AQR: variants seen among roughly 807,000 people sequenced by gnomAD.
AQR encodes the protein aquarius intron-binding spliceosomal factor.
Under a neutral mutation model 180.5 loss-of-function variants are expected in AQR, and 61 were observed. The ratio of observed to expected loss-of-function variants is 0.34; its 90% confidence interval spans 0.28 to 0.42. The LOEUF is 0.42. AQR is among the 10% of genes least tolerant of loss of function. AQR has a pLI of 1.00. For missense variants in AQR, 1,281 were observed against 1,798.3 expected (o/e 0.71, Z 5.20); for synonymous variants, 551 against 588.8 (o/e 0.94, Z 0.93).
intron 13 of AQR, among the ~76,000 whole-genome samples, chr15:34,926,800 T>C (rs1335049837): frequency 1.3e-5 from 2 of 152,072 alleles, no homozygotes; most frequent in Non-Finnish European, 2.9e-5. Context: ...CTGAGAAAAA[T>C]TTCAGATCGA....
chr15:34,880,154 G>A (rs1304422271), intron 27 of AQR, among the ~76,000 whole-genome samples: 1 of 152,090 alleles, frequency 6.6e-6, no homozygotes, highest in Non-Finnish European at 1.5e-5. Flanking sequence ...TCAAAATTCT[G>A]AAGAAAAATT....
intron 5 of AQR, among the ~76,000 whole-genome samples, chr15:34,946,430 TGGGGGG>T (rs375288148): frequency 1.0e-5 from 1 of 98,262 alleles, no homozygotes; most frequent in Non-Finnish European, 2.1e-5. Flanking sequence ...GGGAGGGAGG[TGGGGGG>T]GGTCAGCCCC....
At position 34,927,092 on chromosome 15, in the gene AQR, G is replaced by T; in HGVS notation, c.1061C>A (p.Ser354Ter). The T allele has an allele frequency of 1.3e-6, 2 of 1,595,008 alleles. No individual in the cohort carries two copies. Among genetic ancestry groups the T allele is most frequent in the South Asian group, 1.1e-5 (1 of 87,066 alleles). ...CCGAGTATCTACTTCTGCCACATTT[G>T]AGAGGGCAAAATCATAGAGTTCAGG... The part of the protein sequence containing the change: ...HFPELYDFAL[S>*]NVAEVDTRES... The change falls in exon 13 of 35, where the codon TCA becomes TAA. Residue 354 changes from serine (S) to a stop codon, truncating the protein, a stop_gained. Coordinates refer to ENST00000156471, the MANE Select transcript of AQR (RefSeq NM_014691.3). LOFTEE classifies it high-confidence loss of function.
chr15:34,951,099 T>C (rs920755952), intron 4 of AQR, among the ~76,000 whole-genome samples: 1 of 152,210 alleles, frequency 6.6e-6, no homozygotes, highest in African/African-American at 2.4e-5. Flanking sequence ...CTGATCCTAT[T>C]TCAGCAATTG....
chr15:34,910,352 T>G, intron 16 of AQR, 39 bp from the exon 17 acceptor site: 2 of 1,602,116 alleles, frequency 1.2e-6, no homozygotes, highest in Non-Finnish European at 1.7e-6. Flanking sequence ...AAACAAAAAA[T>G]AATTTATCCC....
chr15:34,936,693 G>A lies in AQR; in HGVS notation c.718+2044C>T, dbSNP rs541396124. 1.3e-3 allele frequency among the ~76,000 whole-genome samples: 199 copies of A among 151,458 alleles called. 1 individual carries two copies. Among genetic ancestry groups the A allele is most frequent in the Non-Finnish European group, 2.1e-3 (142 of 67,952 alleles). On this transcript the variant is annotated intron_variant, in intron 9 of 34. Transcript: ENST00000156471. ...ATTGTGCCACTGCACTCCAGCCTGG[G>A]AGACAGAATGAGACTCCATCTTTAA...
intron 9 of AQR, among the ~76,000 whole-genome samples, chr15:34,935,524 A>C (rs1893931832): frequency 6.6e-6 from 1 of 152,238 alleles, no homozygotes; most frequent in South Asian, 2.1e-4. Context: ...TGTAGTGTAC[A>C]GGAAAACGGA....
chr15:34,944,980 G>A (rs1035834072), intron 5 of AQR, among the ~76,000 whole-genome samples: 5 of 152,276 alleles, frequency 3.3e-5, no homozygotes, highest in African/African-American at 1.2e-4. Context: ...ACTTCTCTAA[G>A]ACAAGCTCTC....
intron 32 of AQR, among the ~76,000 whole-genome samples, chr15:34,865,775 A>G (rs1013857534): frequency 2.6e-5 from 4 of 152,232 alleles, no homozygotes; most frequent in Non-Finnish European, 5.9e-5. Context: ...AACCTTGAAC[A>G]TATGTTAAGT....
At chr15:34,900,977 A>G (rs1237791896) in intron 19 of AQR, 114 bp from the exon 20 acceptor site, 27 of 1,398,456 alleles carry the variant, frequency 1.9e-5, no homozygotes, top group Non-Finnish European at 9.6e-7. Flanking sequence ...TTTCAGAGCA[A>G]GAAGCTATTT....
intron 12 of AQR, among the ~76,000 whole-genome samples, chr15:34,929,453 C>T (rs1332585992): frequency 6.6e-6 from 1 of 152,152 alleles, no homozygotes; most frequent in African/African-American, 2.4e-5. Context: ...GAGATCCTTT[C>T]CCCATTGCTT....
In AQR at chr15:34,873,838, T is replaced by C; in HGVS notation, c.3587A>G (p.Tyr1196Cys). ...CCTATTTTTTCTTACCTGATAGAAG[T>C]AAGGATTAGGTTCAGATTCTCCCAC... ...QGVGESEPNP[Y>C]FYQNLGEAEY... is the part of the protein sequence containing the mutation. Residue 1196 changes from tyrosine to cysteine, a missense_variant, in exon 30 of 35, where the codon TAC (tyrosine) becomes TGC (cysteine). Tyr to Cys is a radical substitution (Grantham distance 194, BLOSUM62 -2). Coordinates refer to ENST00000156471, the MANE Select transcript of AQR (RefSeq NM_014691.3). 6.3e-7 allele frequency: 1 copy of C among 1,579,166 alleles called. No individual in the cohort carries two copies. The highest frequency in any genetic ancestry group is 8.6e-7 in the Non-Finnish European group (1 of 1,162,954).
intron 32 of AQR, 66 bp downstream of exon 32, chr15:34,867,458 C>G: frequency 7.2e-7 from 1 of 1,380,472 alleles, no homozygotes; most frequent in Admixed American, 1.8e-5. Context: ...CACTTAGCCA[C>G]AGAATTTCAA....
chr15:34,861,891 C>T (rs572657827), intron 33 of AQR, among the ~76,000 whole-genome samples: 8 of 151,878 alleles, frequency 5.3e-5, no homozygotes, highest in South Asian at 2.1e-4. Context: ...GGAGGGAAGA[C>T]GTATACTGTG....
chr15:34,859,726 G>C (rs2140456625), intron 34 of AQR, among the ~76,000 whole-genome samples: 1 of 152,214 alleles, frequency 6.6e-6, no homozygotes, highest in South Asian at 2.1e-4. Flanking sequence ...GGGCAAGGAG[G>C]GATTACAAAT....
Position 34,893,787 on chromosome 15 carries a change from G to A in AQR, c.2461-14C>T. 1 of 1,605,124 alleles carries A rather than the reference G, an allele frequency of 6.2e-7. No homozygotes were observed. Among genetic ancestry groups the A allele is most frequent in the South Asian group, 1.1e-5 (1 of 90,874 alleles). ...TGGGCCCACAACCTAAAAAGAAGATGAACACATAGCAAACTACTAAGTCAT... is the reference window on the plus strand; with the variant it reads ...TGGGCCCACAACCTAAAAAGAAGATAAACACATAGCAAACTACTAAGTCAT... On this transcript the variant is annotated splice_polypyrimidine_tract_variant and intron_variant, in intron 22 of 34. Coordinates refer to ENST00000156471, the MANE Select transcript of AQR (RefSeq NM_014691.3).
At chr15:34,932,656 T>C (rs1893883363) in intron 10 of AQR, among the ~76,000 whole-genome samples, 1 of 152,132 alleles carries the variant, frequency 6.6e-6, no homozygotes, top group Non-Finnish European at 1.5e-5. Context: ...AAAAGAACTT[T>C]TAAGATAAAA....
Position 34,856,643 on chromosome 15 carries a change from T to A in AQR, c.*149A>T, listed in dbSNP as rs1256513668. On this transcript the variant is annotated 3_prime_UTR_variant, in exon 35 of 35. Transcript: ENST00000156471. ...TTCATACACATAATTTAAAAAAATA[T>A]ATTCAAGACACCGAAATCAGTTAAC... is the stretch of plus-strand genomic sequence containing the variant. 5.0e-6 allele frequency: 3 copies of A among 599,516 alleles called. No homozygotes were observed. 37.1% of individuals were successfully genotyped at this position (599,516 alleles called of 1,614,324 possible). A position where few individuals can be genotyped will look rare whatever the true frequency, so the allele number is the denominator to read the frequency against.
At chr15:34,943,500 A>G in intron 6 of AQR, 2 of 427,098 alleles carry the variant, frequency 4.7e-6, no homozygotes, top group Non-Finnish European at 7.4e-6. Flanking sequence ...TGTTAAAGAG[A>G]TAACAGTGGT....
Sources: gnomAD v4.1 joint callset for allele counts (sites outside exome capture counted in the v4.1 genomes callset) on GRCh38, gnomAD v4.1.1 for gene constraint, MANE v1.5 for transcripts, NCBI Gene and HGNC (gene_info 2026-07-23, HGNC 2026-07-21) for gene names.